SLC9A9: variants seen among roughly 807,000 people sequenced by gnomAD.
The protein encoded by SLC9A9 is solute carrier family 9 member A9.
SLC9A9 carries 62 observed loss-of-function variants against 77.8 expected under a neutral mutation model. The observed-to-expected ratio is 0.80, with a 90% CI of 0.65 to 0.98. The LOEUF (loss-of-function observed/expected upper bound fraction) is 0.98, where lower values mean the gene tolerates loss of function less well. Ranked by LOEUF, SLC9A9 falls within the 50% of genes least tolerant of loss-of-function variation. SLC9A9 has a pLI of 0.00. For missense variants in SLC9A9, 775 were observed against 774.9 expected, an observed-to-expected ratio of 1.00 and a Z score of 0.00; for synonymous variants, 320 against 283.5, an observed-to-expected ratio of 1.13 and a Z score of -1.29.
At chr3:143,610,999 A>C (rs1220184240) in intron 6 of SLC9A9, among the ~76,000 whole-genome samples, 2 of 152,208 alleles carry the variant, frequency 1.3e-5, no homozygotes, top group Non-Finnish European at 2.9e-5. Flanking sequence ...AATTGCAGAA[A>C]GCAAACACAA....
rs2008403900 is a variant in SLC9A9, at chr3:143,797,012, T to C, written c.379-109A>G. The C allele has an allele frequency of 2.9e-5, 22 of 765,326 alleles. No individual in the cohort carries two copies. The South Asian group carries it at 3.7e-4, about 13-fold the overall frequency. The allele number at this position is 765,326 out of a possible 1,614,324, so 47.4% of individuals were successfully genotyped here. The stretch of plus-strand genomic sequence containing the variant: ...GCTTTTGCTAAGCCTTTGTGAGGCA[T>C]ATTAACTATTAACTTGGCAGAGATG... On this transcript the variant is annotated intron_variant, in intron 2 of 15. Coordinates refer to ENST00000316549, the MANE Select transcript of SLC9A9 (RefSeq NM_173653.4).
At chr3:143,615,350 G>A (rs2038085423) in intron 6 of SLC9A9, among the ~76,000 whole-genome samples, 2 of 152,164 alleles carry the variant, frequency 1.3e-5, no homozygotes, top group Admixed American at 6.5e-5. Context: ...GTAACTGACC[G>A]AGATTGAATA....
At chr3:143,487,692 G>A (rs980310653) in intron 11 of SLC9A9, among the ~76,000 whole-genome samples, 8 of 151,752 alleles carry the variant, frequency 5.3e-5, no homozygotes, top group African/African-American at 1.9e-4. Context: ...AAAATACTAA[G>A]AGGTGAATGA....
intron 12 of SLC9A9, among the ~76,000 whole-genome samples, chr3:143,394,145 C>A (rs1298493994): frequency 1.3e-5 from 2 of 151,614 alleles, no homozygotes; most frequent in African/African-American, 2.4e-5. Context: ...AGAGACACAA[C>A]AAAAAAAAGA....
At chr3:143,767,702 AT>A (rs994012815) in intron 4 of SLC9A9, among the ~76,000 whole-genome samples, 1 of 152,110 alleles carries the variant, frequency 6.6e-6, no homozygotes, top group Non-Finnish European at 1.5e-5. Context: ...TTACAACACA[AT>A]TTTTTTAAAG....
At chr3:143,817,312 C>A (rs4839666) in intron 2 of SLC9A9, among the ~76,000 whole-genome samples, 1 of 150,676 alleles carries the variant, frequency 6.6e-6, no homozygotes, top group Non-Finnish European at 1.5e-5. Context: ...CCGCGCCCGG[C>A]TAATTTTTTG....
chr3:143,469,286 A>G (rs2035337400), intron 11 of SLC9A9, among the ~76,000 whole-genome samples: 1 of 152,200 alleles, frequency 6.6e-6, no homozygotes, highest in Non-Finnish European at 1.5e-5. Flanking sequence ...AAAGGAAAGG[A>G]GCTAAAATGG....
Position 143,265,740 on chromosome 3 carries a change from A to C in SLC9A9, c.*962T>G, listed in dbSNP as rs1937688043. 2.2e-6 allele frequency: 1 copy of C among 460,632 alleles called. No individual in the cohort carries two copies. The highest frequency in any genetic ancestry group is 5.8e-5 in the South Asian group (1 of 17,308). 28.5% of individuals were successfully genotyped at this position (460,632 alleles called of 1,614,324 possible). A position where few individuals can be genotyped will look rare whatever the true frequency, so the allele number is the denominator to read the frequency against. On this transcript the variant is annotated 3_prime_UTR_variant, in exon 16 of 16. Coordinates refer to ENST00000316549, the MANE Select transcript of SLC9A9 (RefSeq NM_173653.4). ...CTTGGCTCCTCAGTGTAACCCACAC[A>C]TCATTGGCTCTGTTCCTCTCGCCCT... is the stretch of plus-strand genomic sequence containing the variant.
At position 143,706,324 on chromosome 3, in the gene SLC9A9, GATTTGCCTT is replaced by G. The variant is rs377255089; in HGVS notation, c.534-13026_534-13018del. On this transcript the variant is annotated intron_variant, in intron 4 of 15. Transcript: ENST00000316549. ...TGATTGAGCTGTAGCTCTACTTGTG[GATTTGCCTT>G]AGGGCCCAGTATGGGCTATTCTTCC... 4.6e-3 allele frequency among the ~76,000 whole-genome samples: 694 copies of G among 152,306 alleles called. 4 individuals carry two copies. Among genetic ancestry groups the G allele is most frequent in the African/African-American group, 0.016 (667 of 41,570 alleles).
chr3:143,395,362 T>A (rs878889824), intron 12 of SLC9A9, among the ~76,000 whole-genome samples: 2 of 152,182 alleles, frequency 1.3e-5, no homozygotes, highest in Non-Finnish European at 2.9e-5. Context: ...ATTCCCTATT[T>A]AATAAATGGT....
At chr3:143,601,840 C>T (rs953821915) in intron 6 of SLC9A9, among the ~76,000 whole-genome samples, 1 of 152,100 alleles carries the variant, frequency 6.6e-6, no homozygotes, top group Admixed American at 6.5e-5. Context: ...GGTCTCGAGA[C>T]ACTCTCACTT....
intron 12 of SLC9A9, among the ~76,000 whole-genome samples, chr3:143,396,388 T>C (rs375331423): frequency 1.6e-4 from 25 of 152,258 alleles, no homozygotes; most frequent in Admixed American, 3.3e-4. Context: ...TAGGTGGGAA[T>C]TGAACCATGA....
intron 11 of SLC9A9, among the ~76,000 whole-genome samples, chr3:143,485,873 T>TAA (rs951998734): frequency 6.7e-6 from 1 of 149,992 alleles, no homozygotes; most frequent in Non-Finnish European, 1.5e-5. Context: ...TTGAGAAAGT[T>TAA]AAAAAAAAAG....
chr3:143,419,493 C>G (rs1441987982), intron 12 of SLC9A9, among the ~76,000 whole-genome samples: 1 of 152,108 alleles, frequency 6.6e-6, no homozygotes, highest in African/African-American at 2.4e-5. Flanking sequence ...ATAATAGGCC[C>G]CATCTACCTC....
At chr3:143,777,814 A>G (rs1252003575) in intron 4 of SLC9A9, among the ~76,000 whole-genome samples, 1 of 150,960 alleles carries the variant, frequency 6.6e-6, no homozygotes, top group Non-Finnish European at 1.5e-5. Flanking sequence ...TCCCGGGTTC[A>G]AGCAATTCTC....
intron 9 of SLC9A9, among the ~76,000 whole-genome samples, chr3:143,515,520 G>A (rs865893856): frequency 5.9e-5 from 9 of 152,230 alleles, no homozygotes; most frequent in East Asian, 5.8e-4. Flanking sequence ...CAGCATATAC[G>A]ATGTTTTCTA....
At chr3:143,521,589 A>T (rs971466580) in intron 9 of SLC9A9, among the ~76,000 whole-genome samples, 18 of 151,868 alleles carry the variant, frequency 1.2e-4, no homozygotes, top group African/African-American at 4.4e-4. Flanking sequence ...CTTTTTCTAT[A>T]CTTTTATATT....
At chr3:143,797,779 G>A (rs538238410) in intron 2 of SLC9A9, among the ~76,000 whole-genome samples, 1 of 151,830 alleles carries the variant, frequency 6.6e-6, no homozygotes, top group South Asian at 2.1e-4. Flanking sequence ...CCCTTTGACT[G>A]TAATTTTCCA....
At chr3:143,560,200 A>G (rs972624033) in intron 8 of SLC9A9, among the ~76,000 whole-genome samples, 5 of 152,210 alleles carry the variant, frequency 3.3e-5, no homozygotes, top group South Asian at 2.1e-4. Context: ...AGAGCCCCCA[A>G]TTCTGCATTT....
Sources: allele counts gnomAD v4.1 joint callset (sites outside exome capture counted in the v4.1 genomes callset), GRCh38; gene constraint gnomAD v4.1.1; transcripts MANE v1.5; gene names NCBI Gene and HGNC (gene_info 2026-07-23, HGNC 2026-07-21).